The following ATP6V0A1 variants were observed in gnomAD, a reference collection of about 807,000 sequenced individuals.
ATP6V0A1 encodes the protein ATPase H+ transporting V0 subunit a1.
ATP6V0A1 carries 43 observed loss-of-function variants against 105.4 expected under a neutral mutation model. The observed-to-expected ratio is 0.41, with a 90% CI of 0.32 to 0.53. The LOEUF is 0.53. Ranked by LOEUF, ATP6V0A1 falls within the 20% of genes least tolerant of loss-of-function variation. The probability of loss-of-function intolerance (pLI) is 0.30; values close to 1 mark genes in which losing one functional copy is unlikely to be tolerated. For missense variants in ATP6V0A1, 676 were observed against 1,051.1 expected (o/e 0.64, Z 4.93); for synonymous variants, 362 against 372.8 (o/e 0.97, Z 0.33).
chr17:42,462,687 T>C (rs1352384399), intron 2 of ATP6V0A1, among the ~76,000 whole-genome samples: 1 of 152,174 alleles, frequency 6.6e-6, no homozygotes, highest in African/African-American at 2.4e-5. Flanking sequence ...CCCAAAGTGC[T>C]GGGATTACAG....
intron 10 of ATP6V0A1, among the ~76,000 whole-genome samples, chr17:42,488,460 G>A (rs2090318613): frequency 6.6e-6 from 1 of 152,042 alleles, no homozygotes; most frequent in Non-Finnish European, 1.5e-5. Flanking sequence ...AGCAGTTTGG[G>A]TGGTTTTTTA....
At chr17:42,518,967 C>T (rs2092731555) in intron 21 of ATP6V0A1, 1 of 152,270 alleles carries the variant, frequency 6.6e-6, no homozygotes, top group Non-Finnish European at 1.5e-5. Context: ...AAATTGCTTT[C>T]CAGCTTTGTG....
At position 42,507,764 on chromosome 17, in the gene ATP6V0A1, C is replaced by T. The variant is rs2092117407; in HGVS notation, c.2112+137C>T. On this transcript the variant is annotated intron_variant, in intron 18 of 21. Coordinates refer to ENST00000343619, the MANE Select transcript of ATP6V0A1 (RefSeq NM_001130021.3). ...AATATTCAGCCTGCCTTCTGGACCT[C>T]TTAGGGCACCACAGCTTTTTCCAGT... 4.0e-6 allele frequency: 3 copies of T among 746,720 alleles called. No homozygotes were observed. In the Admixed American group the frequency reaches 6.2e-5, roughly 15 times the overall value. 46.3% of individuals were successfully genotyped at this position (746,720 alleles called of 1,614,324 possible).
At chr17:42,514,535 C>T (rs983339629) in intron 21 of ATP6V0A1, 75 bp downstream of exon 21, 2 of 1,408,826 alleles carry the variant, frequency 1.4e-6, no homozygotes, top group African/African-American at 1.4e-5. Context: ...GCTTTTCTCC[C>T]ACACACAGCC....
intron 19 of ATP6V0A1, 174 bp from the exon 20 acceptor site, chr17:42,513,684 TCAC>T: frequency 1.6e-6 from 1 of 627,846 alleles, no homozygotes; most frequent in Non-Finnish European, 2.8e-6. Context: ...ATTGCCGAAA[TCAC>T]CACCTGAGCT....
At chr17:42,463,256 C>T (rs992540675) in intron 2 of ATP6V0A1, among the ~76,000 whole-genome samples, 2 of 151,890 alleles carry the variant, frequency 1.3e-5, no homozygotes, top group African/African-American at 4.8e-5. Context: ...ATCCATCCCC[C>T]CTCAGCCTCC....
rs569382864 is a variant in ATP6V0A1, at chr17:42,500,878, C to T, written c.1851C>T (p.Leu617=). ...SLLIHFINMF[L]FSYPESGYSM... ...TGATCCATTTCATAAACATGTTCCT[C>T]TTTTCCTACCCAGAGTCTGGTTATT... Residue 617 remains leucine (L), a synonymous_variant, in exon 16 of 22, where the codon CTC becomes CTT. Coordinates refer to ENST00000343619, the MANE Select transcript of ATP6V0A1 (RefSeq NM_001130021.3). 6.2e-7 allele frequency: 1 copy of T among 1,614,154 alleles called. No individual in the cohort carries two copies. Among genetic ancestry groups the T allele is most frequent in the African/African-American group, 1.3e-5 (1 of 75,032 alleles).
At chr17:42,462,583 C>G (rs938208197) in intron 2 of ATP6V0A1, among the ~76,000 whole-genome samples, 7 of 151,942 alleles carry the variant, frequency 4.6e-5, no homozygotes, top group Admixed American at 3.9e-4. Context: ...CCATGCCCAG[C>G]TAATTTTTGT....
At chr17:42,463,327 A>C (rs1168207431) in intron 2 of ATP6V0A1, among the ~76,000 whole-genome samples, 1 of 152,110 alleles carries the variant, frequency 6.6e-6, no homozygotes, top group East Asian at 1.9e-4. Flanking sequence ...TCATCAGTCC[A>C]GAAAAGTATC....
chr17:42,462,036 G>A (rs893869572), intron 2 of ATP6V0A1, among the ~76,000 whole-genome samples: 7 of 135,204 alleles, frequency 5.2e-5, no homozygotes, highest in South Asian at 4.7e-4. Context: ...GGGAGATCCC[G>A]TCTCTGCCAA....
chr17:42,459,503 TTCTG>T (rs2145572253), intron 1 of ATP6V0A1, among the ~76,000 whole-genome samples: 1 of 152,370 alleles, frequency 6.6e-6, no homozygotes, highest in African/African-American at 2.4e-5. Flanking sequence ...CTAATTAGTT[TTCTG>T]TTAGCCTCCA....
At chr17:42,486,833 G>A (rs574322064) in intron 9 of ATP6V0A1, among the ~76,000 whole-genome samples, 1 of 152,314 alleles carries the variant, frequency 6.6e-6, no homozygotes, top group Admixed American at 6.5e-5. Context: ...CACATAGAAA[G>A]TCGTTGCTCT....
At chr17:42,488,242 C>G (rs1330256021) in intron 10 of ATP6V0A1, among the ~76,000 whole-genome samples, 1 of 152,112 alleles carries the variant, frequency 6.6e-6, no homozygotes, top group Non-Finnish European at 1.5e-5. Context: ...GAGAAGAAAA[C>G]AAAGGCAGGA....
intron 5 of ATP6V0A1, 142 bp downstream of exon 5, chr17:42,470,360 T>C: frequency 9.8e-7 from 1 of 1,016,822 alleles, no homozygotes; most frequent in Non-Finnish European, 1.4e-6. Flanking sequence ...TACAGAAATG[T>C]GAGATTATGT....
chr17:42,475,362 A>G (rs566405224), intron 5 of ATP6V0A1, among the ~76,000 whole-genome samples: 13 of 152,354 alleles, frequency 8.5e-5, no homozygotes, highest in Non-Finnish European at 1.8e-4. Context: ...ACCAGAGGGC[A>G]TAGCAGTAAT....
rs2090526003 is a variant in ATP6V0A1, at chr17:42,490,550, A to G, written c.1087A>G (p.Thr363Ala). Residue 363 changes from threonine to alanine, a missense_variant, in exon 11 of 22, where the codon ACC becomes GCC. Physicochemically the swap from Thr to Ala is moderately conservative, Grantham distance 58 (BLOSUM62 0). Transcript: ENST00000343619. ...NRMQTNQTPP[T>A]YNKTNKFTYG... ...GATGCAGACAAACCAGACTCCCCCA[A>G]CCTATAACAAAACCAACAAGTTTAC... 2.5e-6 allele frequency: 4 copies of G among 1,613,894 alleles called. No individual in the cohort carries two copies. The highest frequency in any genetic ancestry group is 1.3e-5 in the African/African-American group (1 of 75,006).
intron 2 of ATP6V0A1, among the ~76,000 whole-genome samples, chr17:42,463,997 G>A (rs905640316): frequency 6.6e-6 from 1 of 152,152 alleles, no homozygotes; most frequent in Non-Finnish European, 1.5e-5. Flanking sequence ...GGAGGCTGAG[G>A]AGGAGGAAGG....
intron 3 of ATP6V0A1, among the ~76,000 whole-genome samples, chr17:42,467,061 G>A (rs962800143): frequency 2.0e-5 from 3 of 152,010 alleles, no homozygotes; most frequent in Non-Finnish European, 4.4e-5. Flanking sequence ...GCTGGAGAAT[G>A]GCATGGACCC....
chr17:42,495,421 G>C (rs1361272045), intron 13 of ATP6V0A1, among the ~76,000 whole-genome samples: 1 of 150,806 alleles, frequency 6.6e-6, no homozygotes, highest in Non-Finnish European at 1.5e-5. Context: ...TTCCCTACTT[G>C]ATTGTGTGTT....
Sources: allele counts gnomAD v4.1 joint callset (sites outside exome capture counted in the v4.1 genomes callset), GRCh38; gene constraint gnomAD v4.1.1; transcripts MANE v1.5; gene names NCBI Gene and HGNC (gene_info 2026-07-23, HGNC 2026-07-21).